The following DLK2 variants were observed in gnomAD, a reference collection of about 807,000 sequenced individuals.
DLK2 encodes delta like non-canonical Notch ligand 2, also known as protein delta homolog 2.
DLK2 carries 9 observed loss-of-function variants against 31.3 expected under a neutral mutation model. That is an observed-to-expected ratio of 0.29 (90% CI 0.17 to 0.50). DLK2 has a LOEUF of 0.50. DLK2 is among the 20% of genes least tolerant of loss of function. The pLI is 0.98. For synonymous variants in DLK2, 169 were observed against 201.2 expected, an observed-to-expected ratio of 0.84 and a Z score of 1.35; for missense variants, 387 against 526.1, an observed-to-expected ratio of 0.74 and a Z score of 2.59.
upstream of DLK2, chr6:43,455,984 C>G (rs1041242817): frequency 6.5e-6 from 1 of 153,330 alleles, no homozygotes; most frequent in Non-Finnish European, 1.5e-5. Context: ...AAGCCTTCAT[C>G]ACCTGCTTCA....
Position 43,450,383 on chromosome 6 carries a change from C to T in DLK2, c.*156G>A. 9.5e-7 allele frequency: 1 copy of T among 1,049,042 alleles called. No individual in the cohort carries two copies. The highest frequency in any genetic ancestry group is 1.3e-6 in the Non-Finnish European group (1 of 757,288). 65.0% of individuals were successfully genotyped at this position (1,049,042 alleles called of 1,614,324 possible). A position where few individuals can be genotyped will look rare whatever the true frequency, so the allele number is the denominator to read the frequency against. On this transcript the variant is annotated 3_prime_UTR_variant, in exon 6 of 6. Coordinates refer to ENST00000372488, the MANE Select transcript of DLK2 (RefSeq NM_023932.4). The surrounding 1 kb of genome is among the most constrained non-coding windows in gnomAD (Gnocchi z 4.5). ...TTTCATAGTTTTATTTGATAAAATT[C>T]CATCTTACATTCTGTGTATTAAAAA...
chr6:43,450,621 T>TC lies in DLK2; in HGVS notation c.1069dup (p.Glu357GlyfsTer5). On this transcript the variant is annotated frameshift_variant, in exon 6 of 6. Transcript: ENST00000372488. LOFTEE classifies it high-confidence loss of function. This position sits in a 1 kb window ranked among gnomAD's most constrained non-coding sequence, Gnocchi z 4.5. ...TGCTGGCAGCATGCTAACCTGACAC[T>TC]CCTGGTCCTGGCACGCTGGAGCATA... The TC allele has an allele frequency of 6.2e-7, 1 of 1,611,540 alleles. No individual in the cohort carries two copies. The highest frequency in any genetic ancestry group is 8.5e-7 in the Non-Finnish European group (1 of 1,178,632).
Position 43,451,621 on chromosome 6 carries a change from C to T in DLK2, c.416+319G>A, listed in dbSNP as rs1783745313. Reference sequence around the variant, plus strand: ...ATCCCTACTGTGACACAGAAGGGTGCAAGCCAGCGTTCAGGAGAGGATGAG... The same window carrying T: ...ATCCCTACTGTGACACAGAAGGGTGTAAGCCAGCGTTCAGGAGAGGATGAG... On this transcript the variant is annotated intron_variant, in intron 5 of 5. Coordinates refer to ENST00000372488, the MANE Select transcript of DLK2 (RefSeq NM_023932.4). This position sits in a 1 kb window ranked among gnomAD's most constrained non-coding sequence, Gnocchi z 4.4. 6.6e-6 allele frequency among the ~76,000 whole-genome samples: 1 copy of T among 152,144 alleles called. No homozygotes were observed. The highest frequency in any genetic ancestry group is 6.5e-5 in the Admixed American group (1 of 15,280).
Position 43,453,870 on chromosome 6 carries a change from A to T in DLK2, c.140+541T>A, listed in dbSNP as rs191615806. 2.4e-3 allele frequency among the ~76,000 whole-genome samples: 364 copies of T among 152,320 alleles called. 3 individuals are homozygous for T. Among genetic ancestry groups the T allele is most frequent in the African/African-American group, 7.8e-3 (324 of 41,570 alleles). On this transcript the variant is annotated intron_variant, in intron 3 of 5. Coordinates refer to ENST00000372488, the MANE Select transcript of DLK2 (RefSeq NM_023932.4). The surrounding 1 kb of genome is among the most constrained non-coding windows in gnomAD (Gnocchi z 4.1). ...TGATTCCAGGGCAAACACTTGACCCATATTTTAAAAGCCCTCCAGGGGTGA... is the reference window on the plus strand; with the variant it reads ...TGATTCCAGGGCAAACACTTGACCCTTATTTTAAAAGCCCTCCAGGGGTGA...
chr6:43,454,393 C>T lies in DLK2; in HGVS notation c.140+18G>A. 5 of 1,599,238 alleles carry T rather than the reference C, an allele frequency of 3.1e-6. No homozygotes were observed. Among genetic ancestry groups the T allele is most frequent in the East Asian group, 2.3e-5 (1 of 44,328 alleles). Reference sequence around the variant, plus strand: ...ATGGGTACCAAAGGGTTTGGGGGCACGTGCTCAGGACAGGTACCTGCAGGA... The same window carrying T: ...ATGGGTACCAAAGGGTTTGGGGGCATGTGCTCAGGACAGGTACCTGCAGGA... On this transcript the variant is annotated intron_variant, in intron 3 of 5. Transcript: ENST00000372488.
rs1262305112 is a variant in DLK2, at chr6:43,450,638, T to C, written c.1053A>G (p.Pro351=). 3 of 1,613,272 alleles carry C rather than the reference T, an allele frequency of 1.9e-6. No homozygotes were observed. In the Admixed American group the frequency reaches 5.0e-5, roughly 27 times the overall value. Residue 351 remains proline (P), a synonymous_variant, in exon 6 of 6, where the codon CCA becomes CCG. Transcript: ENST00000372488. This position sits in a 1 kb window ranked among gnomAD's most constrained non-coding sequence, Gnocchi z 4.5. ...PCCYPAPHYA[P]ACQDQECQVS... ...CCTGACACTCCTGGTCCTGGCACGC[T>C]GGAGCATAGTGTGGGGCAGGGTAGC...
At position 43,450,850 on chromosome 6, in the gene DLK2, T is replaced by C; in HGVS notation, c.841A>G (p.Ser281Gly). 1.2e-6 allele frequency: 2 copies of C among 1,614,140 alleles called. No homozygotes were observed. The highest frequency in any genetic ancestry group is 8.5e-7 in the Non-Finnish European group (1 of 1,180,000). The stretch of plus-strand genomic sequence containing the variant: ...ATCCGCAGCAGACCAGCCCCTGCGC[T>C]GTGGGGGGCTGGCCCCGTGGCAGGT... ...VVPATGPAPH[S>G]AGAGLLRISV... The change falls in exon 6 of 6, where the codon AGC becomes GGC. Residue 281 changes from serine to glycine, a missense_variant. Ser to Gly is a moderately conservative substitution (Grantham distance 56). Transcript: ENST00000372488. This position sits in a 1 kb window ranked among gnomAD's most constrained non-coding sequence, Gnocchi z 4.5.
At position 43,451,201 on chromosome 6, in the gene DLK2, C is replaced by T. The variant is rs765645550; in HGVS notation, c.490G>A (p.Val164Met). The part of the protein sequence containing the change: ...FALNFTCRCL[V>M]GFVGARCEVN... ...TCACAGCGGGCACCCACAAAGCCCA[C>T]CAAGCAGCGGCACGTGAAGTTGAGA... The change falls in exon 6 of 6, where the codon GTG becomes ATG. Residue 164 changes from valine to methionine, a missense_variant. By Grantham distance (21) the Val-to-Met change is conservative. Coordinates refer to ENST00000372488, the MANE Select transcript of DLK2 (RefSeq NM_023932.4). This position sits in a 1 kb window ranked among gnomAD's most constrained non-coding sequence, Gnocchi z 4.4. 6.2e-7 allele frequency: 1 copy of T among 1,614,232 alleles called. No individual in the cohort carries two copies. Among genetic ancestry groups the T allele is most frequent in the Admixed American group, 1.7e-5 (1 of 60,020 alleles).
intron 1 of DLK2, 130 bp downstream of exon 1, chr6:43,455,265 A>C: frequency 2.4e-5 from 4 of 166,852 alleles, no homozygotes; most frequent in Admixed American, 6.4e-5. Flanking sequence ...TCTCCGCCCC[A>C]CAGCTCCGAC....
rs531366068 is a variant in DLK2 at position 43,453,650 on chromosome 6, C to T, written c.141-515G>A. 4.5e-4 allele frequency among the ~76,000 whole-genome samples: 68 copies of T among 152,164 alleles called. No homozygotes were observed. The highest frequency in any genetic ancestry group is 1.3e-3 in the African/African-American group (55 of 41,530). On this transcript the variant is annotated intron_variant, in intron 3 of 5. Coordinates refer to ENST00000372488, the MANE Select transcript of DLK2 (RefSeq NM_023932.4). This position sits in a 1 kb window ranked among gnomAD's most constrained non-coding sequence, Gnocchi z 4.1. The stretch of plus-strand genomic sequence containing the variant: ...TCTACAAAAAATACAAAAAATTACC[C>T]GGGCATGGTGGTGTGCATCTGTAAT...
chr6:43,452,571 C>G (rs1783811713), intron 4 of DLK2, among the ~76,000 whole-genome samples: 1 of 152,146 alleles, frequency 6.6e-6, no homozygotes, highest in African/African-American at 2.4e-5. Flanking sequence ...CAAAAATTAG[C>G]TGAAGTGGCG....
chr6:43,456,275 C>T (rs1227084621), upstream of DLK2: 4 of 152,436 alleles, frequency 2.6e-5, no homozygotes, highest in Non-Finnish European at 5.9e-5. Flanking sequence ...TCCTGTACCC[C>T]ATCACGTTCG....
rs1783893682 is a variant in DLK2 at position 43,454,471 on chromosome 6, T to G, written c.80A>C (p.Asp27Ala). The G allele has an allele frequency of 1.3e-6, 2 of 1,591,884 alleles. No individual in the cohort carries two copies. Among genetic ancestry groups the G allele is most frequent in the South Asian group, 2.3e-5 (2 of 86,804 alleles). The change falls in exon 3 of 6, where the codon GAT becomes GCT. Residue 27 changes from aspartate (D) to alanine (A), a missense_variant. Transcript: ENST00000372488. ...LGAPGQPVRA[D>A]DCSSHCDLAH... ...CAGGTCACAGTGGGAGCTGCAGTCA[T>G]CGGCTGCAAGAGATTGATGTGGGAG...
Position 43,451,177 on chromosome 6 carries a change from C to G in DLK2, c.514G>C (p.Glu172Gln). 6.2e-7 allele frequency: 1 copy of G among 1,614,188 alleles called. No homozygotes were observed. Among genetic ancestry groups the G allele is most frequent in the South Asian group, 1.1e-5 (1 of 91,088 alleles). Residue 172 changes from glutamate to glutamine, a missense_variant, in exon 6 of 6, where the codon GAG becomes CAG. Physicochemically the swap from Glu to Gln is conservative, Grantham distance 29 (BLOSUM62 2). Transcript: ENST00000372488. This position sits in a 1 kb window ranked among gnomAD's most constrained non-coding sequence, Gnocchi z 4.4. ...CLVGFVGARCEVNVDDCLMRP... is the reference protein window; with the variant it reads ...CLVGFVGARCQVNVDDCLMRP... ...ATCAGGCAGTCATCCACATTTACCT[C>G]ACAGCGGGCACCCACAAAGCCCACC...
At chr6:43,455,069 G>A (rs1376496913) in intron 1 of DLK2, 189 bp from the exon 2 acceptor site, 1 of 985,082 alleles carries the variant, frequency 1.0e-6, no homozygotes, top group African/African-American at 1.7e-5. Context: ...ACAGGAACCC[G>A]GGAGCGGGGT....
upstream of DLK2, chr6:43,455,649 C>T (rs1275627874): frequency 2.1e-5 from 3 of 145,334 alleles, no homozygotes; most frequent in Non-Finnish European, 4.6e-5. Flanking sequence ...TCCCCCCCCC[C>T]GCGACGCACG....
At position 43,451,323 on chromosome 6, in the gene DLK2, T is replaced by C. The variant is rs1289612149; in HGVS notation, c.417-49A>G. On this transcript the variant is annotated intron_variant, in intron 5 of 5. Transcript: ENST00000372488. The surrounding 1 kb of genome is among the most constrained non-coding windows in gnomAD (Gnocchi z 4.4). ...ATGATAACCAACTTACCAACACCTGTAGGGCAGCCCAGGTCAGTATCCTGA... is the reference window on the plus strand; with the variant it reads ...ATGATAACCAACTTACCAACACCTGCAGGGCAGCCCAGGTCAGTATCCTGA... 1 of 1,583,176 alleles carries C rather than the reference T, an allele frequency of 6.3e-7. No individual in the cohort carries two copies. Among genetic ancestry groups the C allele is most frequent in the East Asian group, 2.2e-5 (1 of 44,464 alleles).
chr6:43,451,835 G>C lies in DLK2; in HGVS notation c.416+105C>G, dbSNP rs1783760829. ...GTTTTATCTGAGTGTCCCCGTGTGGGTCTGACTCTCAGTCCCCCACCCTCC... is the reference window on the plus strand; with the variant it reads ...GTTTTATCTGAGTGTCCCCGTGTGGCTCTGACTCTCAGTCCCCCACCCTCC... On this transcript the variant is annotated intron_variant, in intron 5 of 5. Coordinates refer to ENST00000372488, the MANE Select transcript of DLK2 (RefSeq NM_023932.4). This position sits in a 1 kb window ranked among gnomAD's most constrained non-coding sequence, Gnocchi z 4.4. 6.7e-6 allele frequency: 10 copies of C among 1,501,266 alleles called. No homozygotes were observed. The highest frequency in any genetic ancestry group is 8.9e-6 in the Non-Finnish European group (10 of 1,125,426). 93.0% of individuals were successfully genotyped at this position (1,501,266 alleles called of 1,614,324 possible).
rs754440464 is a variant in DLK2, at chr6:43,450,768, A to G, written c.923T>C (p.Val308Ala). 5.6e-6 allele frequency: 9 copies of G among 1,614,100 alleles called. No homozygotes were observed. In the Admixed American group the frequency reaches 1.5e-4, roughly 27 times the overall value. Residue 308 changes from valine (V) to alanine (A), a missense_variant, in exon 6 of 6, where the codon GTG (valine) becomes GCG (alanine). Transcript: ENST00000372488. The surrounding 1 kb of genome is among the most constrained non-coding windows in gnomAD (Gnocchi z 4.5). ...GAGGGCCCCAAACACCACCAGGGCCACCAAGCTAGGCTCACCTAGCCCAGC... is the reference window on the plus strand; with the variant it reads ...GAGGGCCCCAAACACCACCAGGGCCGCCAAGCTAGGCTCACCTAGCCCAGC... ...QEAGLGEPSL[V>A]ALVVFGALTA...
Sources: gnomAD v4.1 joint callset for allele counts (sites outside exome capture counted in the v4.1 genomes callset) on GRCh38, gnomAD v4.1.1 for gene constraint, Gnocchi (gnomAD v3.1) non-coding constraint, MANE v1.5 for transcripts, NCBI Gene and HGNC (gene_info 2026-07-23, HGNC 2026-07-21) for gene names.